Variants in ARHGEF26 observed in about 807,000 individuals in gnomAD.
The protein encoded by ARHGEF26 is Rho guanine nucleotide exchange factor (GEF) 26.
ARHGEF26 carries 59 observed loss-of-function variants against 89.4 expected under a neutral mutation model. That is an observed-to-expected ratio of 0.66 (90% confidence interval 0.54 to 0.82). ARHGEF26 has a LOEUF of 0.82. Ranked by LOEUF, ARHGEF26 falls within the 40% of genes least tolerant of loss-of-function variation. ARHGEF26 has a pLI of 0.00. For missense variants in ARHGEF26, 1,234 were observed against 1,085.6 expected, an observed-to-expected ratio of 1.14 and a Z score of -1.92; for synonymous variants, 500 against 428.4, an observed-to-expected ratio of 1.17 and a Z score of -2.06.
chr3:154,227,871 C>T (rs951898884), intron 11 of ARHGEF26, among the ~76,000 whole-genome samples: 3 of 152,050 alleles, frequency 2.0e-5, no homozygotes, highest in Admixed American at 1.3e-4. Context: ...AATGTAATTT[C>T]GATTATGATG....
chr3:154,134,913 A>G (rs892927666), intron 4 of ARHGEF26, among the ~76,000 whole-genome samples: 5 of 152,222 alleles, frequency 3.3e-5, no homozygotes, highest in African/African-American at 9.6e-5. Flanking sequence ...CCAACCTTGC[A>G]TCCCATGGAT....
chr3:154,187,973 T>A, intron 7 of ARHGEF26, 136 bp downstream of exon 7: 1 of 888,514 alleles, frequency 1.1e-6, no homozygotes, highest in South Asian at 2.5e-5. Flanking sequence ...GAGAAATGTT[T>A]AAGAGCATTA....
At chr3:154,127,911 A>G (rs1718433823) in intron 3 of ARHGEF26, among the ~76,000 whole-genome samples, 1 of 152,150 alleles carries the variant, frequency 6.6e-6, no homozygotes. Context: ...GATCAAAACA[A>G]TATTATGCAA....
rs1718453745 is a variant in ARHGEF26, at chr3:154,255,665, A to G, written c.*192A>G. The G allele has an allele frequency of 7.2e-7, 1 of 1,397,748 alleles. No individual in the cohort carries two copies. The highest frequency in any genetic ancestry group is 3.3e-5 in the Admixed American group (1 of 30,654). 86.6% of individuals were successfully genotyped at this position (1,397,748 alleles called of 1,614,324 possible). ...TGGATACAGTGAGTTTGCACAGCTCAGTTTTTACCTAACCACACACTTGCA... is the reference window on the plus strand; with the variant it reads ...TGGATACAGTGAGTTTGCACAGCTCGGTTTTTACCTAACCACACACTTGCA... On this transcript the variant is annotated 3_prime_UTR_variant, in exon 15 of 15. Transcript: ENST00000465093.
chr3:154,165,018 T>C (rs1417007288), intron 6 of ARHGEF26, among the ~76,000 whole-genome samples: 1 of 152,146 alleles, frequency 6.6e-6, no homozygotes, highest in Non-Finnish European at 1.5e-5. Context: ...GTTTAAAAAA[T>C]GTATGTCACA....
intron 6 of ARHGEF26, among the ~76,000 whole-genome samples, chr3:154,165,547 A>G (rs1467797004): frequency 6.6e-6 from 1 of 152,162 alleles, no homozygotes; most frequent in East Asian, 1.9e-4. Context: ...CAAACTGGAG[A>G]AACTTGCCTG....
chr3:154,132,279 A>G (rs902236625), intron 4 of ARHGEF26, among the ~76,000 whole-genome samples: 3 of 152,198 alleles, frequency 2.0e-5, no homozygotes, highest in Non-Finnish European at 4.4e-5. Context: ...AGATTGAACA[A>G]ATGTTAATAT....
chr3:154,141,463 T>G (rs1214838451), intron 4 of ARHGEF26, among the ~76,000 whole-genome samples: 1 of 152,192 alleles, frequency 6.6e-6, no homozygotes, highest in African/African-American at 2.4e-5. Flanking sequence ...GCCTCCATGA[T>G]GTACTATGGC....
chr3:154,149,749 G>A (rs1719906080), intron 5 of ARHGEF26, among the ~76,000 whole-genome samples: 1 of 152,050 alleles, frequency 6.6e-6, no homozygotes, highest in African/African-American at 2.4e-5. Context: ...TCTTAGAACT[G>A]AAAAAGGATG....
At chr3:154,125,967 A>G (rs1718305213) in intron 3 of ARHGEF26, among the ~76,000 whole-genome samples, 1 of 152,154 alleles carries the variant, frequency 6.6e-6, no homozygotes, top group Non-Finnish European at 1.5e-5. Context: ...AAAAACCCTT[A>G]ATATCACAGG....
chr3:154,214,470 G>T (rs1444912188), intron 9 of ARHGEF26, among the ~76,000 whole-genome samples: 2 of 152,060 alleles, frequency 1.3e-5, no homozygotes, highest in African/African-American at 4.8e-5. Context: ...AGAGGGAGGG[G>T]TCTGAGTGGT....
chr3:154,160,463 C>A (rs143070579), intron 6 of ARHGEF26, among the ~76,000 whole-genome samples: 29 of 152,212 alleles, frequency 1.9e-4, no homozygotes, highest in African/African-American at 7.0e-4. Context: ...TGTATTCATT[C>A]TCTTCTAAAA....
chr3:154,226,660 TACACACACAC>T (rs3029724), intron 11 of ARHGEF26, among the ~76,000 whole-genome samples: 3 of 148,062 alleles, frequency 2.0e-5, no homozygotes, highest in African/African-American at 5.0e-5. Flanking sequence ...GTTTCTGTTC[TACACACACAC>T]ACACACACAC....
intron 6 of ARHGEF26, among the ~76,000 whole-genome samples, chr3:154,174,010 G>A (rs1423831248): frequency 6.6e-6 from 1 of 152,182 alleles, no homozygotes; most frequent in Non-Finnish European, 1.5e-5. Flanking sequence ...TGAGTACTGT[G>A]GTAAGTTCTT....
At chr3:154,174,338 T>C (rs894432991) in intron 6 of ARHGEF26, among the ~76,000 whole-genome samples, 5 of 152,214 alleles carry the variant, frequency 3.3e-5, no homozygotes, top group African/African-American at 1.2e-4. Flanking sequence ...GTTTTTAAAA[T>C]ACATGTGTAG....
At chr3:154,154,658 T>C (rs1305463875) in intron 6 of ARHGEF26, among the ~76,000 whole-genome samples, 1 of 151,970 alleles carries the variant, frequency 6.6e-6, no homozygotes, top group Admixed American at 6.6e-5. Flanking sequence ...CCCCTCACTT[T>C]CTTAGATAAA....
At chr3:154,168,812 C>A (rs143356466) in intron 6 of ARHGEF26, among the ~76,000 whole-genome samples, 218 of 151,824 alleles carry the variant, frequency 1.4e-3, no homozygotes, top group Non-Finnish European at 2.5e-3. Context: ...ACTGTATATG[C>A]GATTCTGCCA....
intron 9 of ARHGEF26, among the ~76,000 whole-genome samples, chr3:154,204,635 C>T (rs759547439): frequency 6.6e-6 from 1 of 152,020 alleles, no homozygotes; most frequent in Non-Finnish European, 1.5e-5. Context: ...CAGCCTTTTC[C>T]TCTTTTTTGA....
chr3:154,189,268 T>TA lies in ARHGEF26; in HGVS notation c.1640+1433dup, dbSNP rs562262235. ...GGTTTTATCTAAATTAGCTTAATGA[T>TA]AACATCATCAGCACTTTCACGTGGC... On this transcript the variant is annotated intron_variant, in intron 7 of 14. Transcript: ENST00000465093. Among the ~76,000 whole-genome samples, 113 of 152,104 alleles carry TA rather than the reference T, an allele frequency of 7.4e-4. 1 individual carries two copies. Among genetic ancestry groups the TA allele is most frequent in the African/African-American group, 2.5e-3 (104 of 41,502 alleles).
Sources: allele counts gnomAD v4.1 joint callset (sites outside exome capture counted in the v4.1 genomes callset), GRCh38; gene constraint gnomAD v4.1.1; transcripts MANE v1.5; gene names NCBI Gene and HGNC (gene_info 2026-07-23, HGNC 2026-07-21).